The following GRIK3 variants were observed in gnomAD, a reference collection of about 807,000 sequenced individuals.
The protein encoded by GRIK3 is glutamate receptor ionotropic, kainate 3.
A neutral mutation model predicts 102.5 loss-of-function variants in GRIK3; 29 were observed. The observed-to-expected ratio is 0.28, with a 90% CI of 0.21 to 0.39. GRIK3 has a LOEUF of 0.39. Ranked by LOEUF, GRIK3 falls within the 10% of genes least tolerant of loss-of-function variation. GRIK3 has a pLI of 1.00. For missense variants in GRIK3, 908 were observed against 1,252.4 expected (o/e 0.73, Z 4.15); for synonymous variants, 511 against 504.9 (o/e 1.01, Z -0.16).
At chr1:36,836,138 A>G (rs1479818320) in intron 10 of GRIK3, among the ~76,000 whole-genome samples, 5 of 152,224 alleles carry the variant, frequency 3.3e-5, no homozygotes, top group Admixed American at 2.6e-4. Flanking sequence ...CAAAGGAGGT[A>G]GCTTGGGCAG....
chr1:36,976,958 A>G (rs1570839955), intron 1 of GRIK3, among the ~76,000 whole-genome samples: 1 of 152,270 alleles, frequency 6.6e-6, no homozygotes, highest in African/African-American at 2.4e-5. Flanking sequence ...CTGGCACAGA[A>G]CAGCCAATCA....
intron 1 of GRIK3, among the ~76,000 whole-genome samples, chr1:36,948,034 G>A (rs1641803684): frequency 6.6e-6 from 1 of 152,096 alleles, no homozygotes; most frequent in Admixed American, 6.5e-5. Context: ...TCAGTCATAA[G>A]TTATTTGTAA....
At chr1:36,845,191 A>G (rs1453174427) in intron 9 of GRIK3, among the ~76,000 whole-genome samples, 2 of 152,208 alleles carry the variant, frequency 1.3e-5, no homozygotes, top group Non-Finnish European at 2.9e-5. Flanking sequence ...CTACTTATTC[A>G]TGGACTATTT....
chr1:36,824,292 G>A (rs1387636592), intron 11 of GRIK3, among the ~76,000 whole-genome samples: 1 of 152,220 alleles, frequency 6.6e-6, no homozygotes, highest in East Asian at 1.9e-4. Flanking sequence ...CCCTGGAGCC[G>A]CTAAAATCAT....
chr1:36,826,394 C>T (rs367738081), intron 10 of GRIK3, among the ~76,000 whole-genome samples: 6 of 152,278 alleles, frequency 3.9e-5, no homozygotes, highest in East Asian at 1.9e-4. Flanking sequence ...GCAGGCTGGG[C>T]GTTGTGGCTC....
Position 36,802,440 on chromosome 1 carries a change from G to A in GRIK3, c.2566-395C>T, listed in dbSNP as rs3820269. On this transcript the variant is annotated intron_variant, in intron 15 of 15. Transcript: ENST00000373091. ...CTTTCGAGCCCTGACCAAAGCACTA[G>A]CTTTGGCCCAGGGTCAGGACTGAAG... Among the ~76,000 whole-genome samples the A allele has an allele frequency of 1.9e-3, 286 of 152,274 alleles. 7 individuals are homozygous for A. The East Asian group carries it at 0.039, about 21-fold the overall frequency.
rs1163928064 is a variant in GRIK3, at chr1:36,805,111, C to A, written c.2441G>T (p.Ser814Ile). ...CCCGATCTTCTGGATCCCCAGGGCA[C>A]TGGCCTCTTTGTTTTCCTCCTCAGG... ...GCPEEENKEA[S>I]ALGIQKIGGI... is the part of the protein sequence containing the mutation. The change falls in exon 15 of 16, where the codon AGT becomes ATT. Residue 814 changes from serine to isoleucine, a missense_variant. Physicochemically the swap from Ser to Ile is moderately radical, Grantham distance 142. Transcript: ENST00000373091. The A allele has an allele frequency of 6.2e-7, 1 of 1,614,118 alleles. No homozygotes were observed. Among genetic ancestry groups the A allele is most frequent in the Admixed American group, 1.7e-5 (1 of 60,010 alleles).
chr1:36,993,097 T>C (rs1642380235), intron 1 of GRIK3, among the ~76,000 whole-genome samples: 1 of 152,088 alleles, frequency 6.6e-6, no homozygotes, highest in South Asian at 2.1e-4. Flanking sequence ...GCATGTTCAA[T>C]GGATCAGCCA....
intron 1 of GRIK3, among the ~76,000 whole-genome samples, chr1:36,899,465 G>A (rs1215690147): frequency 6.6e-6 from 1 of 152,118 alleles, no homozygotes; most frequent in Non-Finnish European, 1.5e-5. Context: ...GGTACTTAGA[G>A]TAGCCAAAAT....
At chr1:36,949,558 TTCTC>T (rs1215214621) in intron 1 of GRIK3, among the ~76,000 whole-genome samples, 15 of 151,112 alleles carry the variant, frequency 9.9e-5, no homozygotes, top group African/African-American at 3.4e-4. Flanking sequence ...TTTTTTTTCT[TTCTC>T]TCTCTCTCTT....
At chr1:37,027,336 A>G (rs1642774669) in intron 1 of GRIK3, among the ~76,000 whole-genome samples, 2 of 151,758 alleles carry the variant, frequency 1.3e-5, no homozygotes, top group South Asian at 4.2e-4. Flanking sequence ...CTGGCCCTCA[A>G]TTTGGTCTGA....
rs1640573138 is a variant in GRIK3, at chr1:36,850,591, A to G, written c.1213-167T>C. Among the ~76,000 whole-genome samples, 1 of 152,200 alleles carries G rather than the reference A, an allele frequency of 6.6e-6. No individual in the cohort carries two copies. The highest frequency in any genetic ancestry group is 2.4e-5 in the African/African-American group (1 of 41,448). Reference sequence around the variant, plus strand: ...TTTCCAGTTATAACCGTTCTGGACAACATCCCTGCAGCTCTCCCTCCTCTC... The same window carrying G: ...TTTCCAGTTATAACCGTTCTGGACAGCATCCCTGCAGCTCTCCCTCCTCTC... On this transcript the variant is annotated intron_variant, in intron 8 of 15. Coordinates refer to ENST00000373091, the MANE Select transcript of GRIK3 (RefSeq NM_000831.4). The surrounding 1 kb of genome is among the most constrained non-coding windows in gnomAD (Gnocchi z 4.0).
intron 12 of GRIK3, among the ~76,000 whole-genome samples, chr1:36,817,917 A>G (rs1642649483): frequency 6.6e-6 from 1 of 152,368 alleles, no homozygotes; most frequent in Non-Finnish European, 1.5e-5. Context: ...AGGAGGGGAA[A>G]AAAAAATCAA....
chr1:36,853,596 C>A lies in GRIK3; in HGVS notation c.1212+19G>T. On this transcript the variant is annotated intron_variant, in intron 8 of 15. Coordinates refer to ENST00000373091, the MANE Select transcript of GRIK3 (RefSeq NM_000831.4). ...GCCCCTGCTCCTCCGCCTGCCCTCC[C>A]TCTCCTGAGACCACGCACCTTCTCC... 6.5e-7 allele frequency: 1 copy of A among 1,534,398 alleles called. No homozygotes were observed. Among genetic ancestry groups the A allele is most frequent in the Non-Finnish European group, 9.0e-7 (1 of 1,107,012 alleles).
chr1:36,805,560 G>A (rs540025481), intron 14 of GRIK3, among the ~76,000 whole-genome samples: 40 of 152,168 alleles, frequency 2.6e-4, no homozygotes, highest in Non-Finnish European at 5.1e-4. Flanking sequence ...CCCAAACCTC[G>A]CGTCTGTCCC....
chr1:36,971,751 TGAA>T lies in GRIK3; in HGVS notation c.115+62240_115+62242del, dbSNP rs143339592. 5.8e-3 allele frequency among the ~76,000 whole-genome samples: 885 copies of T among 152,188 alleles called. 10 individuals carry two copies. Among genetic ancestry groups the T allele is most frequent in the African/African-American group, 0.02 (850 of 41,500 alleles). On this transcript the variant is annotated intron_variant, in intron 1 of 15. Coordinates refer to ENST00000373091, the MANE Select transcript of GRIK3 (RefSeq NM_000831.4). ...AAAGACTTCTAGGTGGATAGCAGAG[TGAA>T]GAAGACTGCTGCCTGCCATCTCCTC... is the stretch of plus-strand genomic sequence containing the variant.
intron 13 of GRIK3, among the ~76,000 whole-genome samples, chr1:36,809,001 T>C (rs939907877): frequency 6.6e-6 from 1 of 152,186 alleles, no homozygotes; most frequent in African/African-American, 2.4e-5. Context: ...CTCCCTCCAG[T>C]GATTGCAGCT....
At chr1:36,895,312 G>C (rs1237558456) in intron 1 of GRIK3, among the ~76,000 whole-genome samples, 1 of 152,106 alleles carries the variant, frequency 6.6e-6, no homozygotes, top group African/African-American at 2.4e-5. Flanking sequence ...TTCAGATATG[G>C]CATGGATTTT....
At chr1:36,835,104 C>T (rs1640357909) in intron 10 of GRIK3, among the ~76,000 whole-genome samples, 1 of 152,234 alleles carries the variant, frequency 6.6e-6, no homozygotes, top group Admixed American at 6.5e-5. Context: ...ACCATGTCTG[C>T]CTGGGTCACC....
Sources: allele counts gnomAD v4.1 joint callset (sites outside exome capture counted in the v4.1 genomes callset), GRCh38; gene constraint gnomAD v4.1.1; non-coding constraint Gnocchi (gnomAD v3.1); transcripts MANE v1.5; gene names NCBI Gene and HGNC (gene_info 2026-07-23, HGNC 2026-07-21).